The following CNTNAP5 variants were observed in gnomAD, a reference collection of about 807,000 sequenced individuals.
CNTNAP5 encodes the protein contactin associated protein family member 5.
Under a neutral mutation model 150.2 loss-of-function variants are expected in CNTNAP5, and 72 were observed. The ratio of observed to expected loss-of-function variants is 0.48; its 90% CI spans 0.40 to 0.58. CNTNAP5 has a LOEUF of 0.58. Ranked by LOEUF, CNTNAP5 falls within the 20% of genes least tolerant of loss-of-function variation. CNTNAP5 has a pLI of 0.00. For synonymous variants in CNTNAP5, 672 were observed against 619.8 expected, an observed-to-expected ratio of 1.08 and a Z score of -1.25; for missense variants, 1,636 against 1,626.2, an observed-to-expected ratio of 1.01 and a Z score of -0.10.
chr2:124,903,360 GTA>G (rs1367632082), intron 22 of CNTNAP5, among the ~76,000 whole-genome samples: 7 of 152,094 alleles, frequency 4.6e-5, no homozygotes, highest in African/African-American at 1.4e-4. Flanking sequence ...AATGCATTGT[GTA>G]TGTGTGTGTG....
At chr2:124,727,587 T>A (rs1408081289) in intron 13 of CNTNAP5, among the ~76,000 whole-genome samples, 1 of 152,040 alleles carries the variant, frequency 6.6e-6, no homozygotes, top group African/African-American at 2.4e-5. Context: ...GCTATTGTAA[T>A]GAGATTGTCT....
intron 14 of CNTNAP5, among the ~76,000 whole-genome samples, chr2:124,749,766 T>A (rs1680685434): frequency 6.6e-6 from 1 of 152,176 alleles, no homozygotes; most frequent in African/African-American, 2.4e-5. Flanking sequence ...CTGTTTCTTT[T>A]CCTTTACCCC....
intron 13 of CNTNAP5, among the ~76,000 whole-genome samples, chr2:124,649,232 G>A (rs1191427414): frequency 2.0e-5 from 3 of 152,184 alleles, no homozygotes; most frequent in Non-Finnish European, 4.4e-5. Context: ...GATTCAGCCA[G>A]GCTTGCAGGG....
In CNTNAP5 at chr2:124,917,681, G is replaced by GTTTTTCT. The variant is rs1392556285; in HGVS notation, c.*3400_*3406dup. Among the ~76,000 whole-genome samples, 2 of 152,032 alleles carry GTTTTTCT rather than the reference G, an allele frequency of 1.3e-5. No homozygotes were observed. Reference sequence around the variant, plus strand: ...CAGGATAGAACAAAATAAAGAGATTGTTTTTCTTTTTTCATTCATGAAGTA... The same window carrying GTTTTTCT: ...CAGGATAGAACAAAATAAAGAGATTGTTTTTCTTTTTTCTTTTTTCATTCATGAAGTA... On this transcript the variant is annotated 3_prime_UTR_variant, in exon 24 of 24. Transcript: ENST00000682447.
intron 1 of CNTNAP5, among the ~76,000 whole-genome samples, chr2:124,211,531 CACACACACACACAT>C (rs1686011436): frequency 6.6e-6 from 1 of 151,928 alleles, no homozygotes; most frequent in Admixed American, 6.6e-5. Flanking sequence ...CAAACACACA[CACACACACACACAT>C]AAGCAACCAC....
intron 3 of CNTNAP5, among the ~76,000 whole-genome samples, chr2:124,258,825 C>T (rs1330081421): frequency 6.6e-6 from 1 of 151,896 alleles, no homozygotes; most frequent in African/African-American, 2.4e-5. Flanking sequence ...TAAACAATCT[C>T]GAATAATTTT....
At chr2:124,851,058 A>G (rs1683142907) in intron 19 of CNTNAP5, among the ~76,000 whole-genome samples, 1 of 152,186 alleles carries the variant, frequency 6.6e-6, no homozygotes, top group Non-Finnish European at 1.5e-5. Flanking sequence ...GAAATGTGAC[A>G]TTAGCTAACA....
chr2:124,496,715 C>T (rs889300217), intron 7 of CNTNAP5, among the ~76,000 whole-genome samples: 1 of 152,190 alleles, frequency 6.6e-6, no homozygotes. Flanking sequence ...GGGACAGCCA[C>T]ACCTGACTTA....
chr2:124,798,120 G>C lies in CNTNAP5; in HGVS notation c.3017G>C (p.Gly1006Ala). 6.2e-7 allele frequency: 1 copy of C among 1,611,916 alleles called. No individual in the cohort carries two copies. The highest frequency in any genetic ancestry group is 8.5e-7 in the Non-Finnish European group (1 of 1,178,900). Reference sequence around the variant, plus strand: ...GAGGTTTCTGCTGTTTTTGAGGCTGGCACGTCGGTTACTTACATGTTTCAA... The same window carrying C: ...GAGGTTTCTGCTGTTTTTGAGGCTGCCACGTCGGTTACTTACATGTTTCAA... ...KKEVSAVFEA[G>A]TSVTYMFQEP... is the part of the protein sequence containing the mutation. The change falls in exon 19 of 24, where the codon GGC becomes GCC. Residue 1006 changes from glycine (G) to alanine (A), a missense_variant. Coordinates refer to ENST00000682447, the MANE Select transcript of CNTNAP5 (RefSeq NM_001367498.1).
chr2:124,621,859 T>G (rs968522319), intron 12 of CNTNAP5, among the ~76,000 whole-genome samples: 2 of 152,214 alleles, frequency 1.3e-5, no homozygotes, highest in African/African-American at 4.8e-5. Context: ...GCAAAGTAAG[T>G]AGAATTTAGT....
chr2:124,072,227 C>T (rs1337776933), intron 1 of CNTNAP5, among the ~76,000 whole-genome samples: 3 of 151,636 alleles, frequency 2.0e-5, no homozygotes, highest in Non-Finnish European at 2.9e-5. Flanking sequence ...CATACCTCAA[C>T]ATAATAAATG....
chr2:124,152,082 T>C (rs1684418896), intron 1 of CNTNAP5, among the ~76,000 whole-genome samples: 1 of 152,192 alleles, frequency 6.6e-6, no homozygotes, highest in South Asian at 2.1e-4. Flanking sequence ...TGGTGGCAAA[T>C]GCATTTTTTT....
rs187451429 is a variant in CNTNAP5, at chr2:124,293,975, A to G, written c.381+51582A>G. 1.1e-4 allele frequency among the ~76,000 whole-genome samples: 17 copies of G among 152,302 alleles called. No individual in the cohort carries two copies. In the East Asian group the frequency reaches 3.3e-3, roughly 29 times the overall value. ...AGGGACAACATGGATGTAGTCCTCAAATAGGGAAAAGCATGGTGTATTTGA... is the reference window on the plus strand; with the variant it reads ...AGGGACAACATGGATGTAGTCCTCAGATAGGGAAAAGCATGGTGTATTTGA... On this transcript the variant is annotated intron_variant, in intron 3 of 23. Coordinates refer to ENST00000682447, the MANE Select transcript of CNTNAP5 (RefSeq NM_001367498.1).
Position 124,481,088 on chromosome 2 carries a change from G to A in CNTNAP5, c.1062+6206G>A, listed in dbSNP as rs189318838. The stretch of plus-strand genomic sequence containing the variant: ...CAGCTCTGGAGGCTGGAAAGTCTGA[G>A]ATCAGAGTGCCAGGACGATCGGGTT... On this transcript the variant is annotated intron_variant, in intron 7 of 23. Coordinates refer to ENST00000682447, the MANE Select transcript of CNTNAP5 (RefSeq NM_001367498.1). Among the ~76,000 whole-genome samples, 167 of 152,326 alleles carry A rather than the reference G, an allele frequency of 1.1e-3. 1 individual carries two copies. The Middle Eastern group carries it at 0.017, about 16-fold the overall frequency.
chr2:124,815,748 A>G (rs760343782), intron 19 of CNTNAP5, among the ~76,000 whole-genome samples: 13 of 151,538 alleles, frequency 8.6e-5, no homozygotes, highest in Non-Finnish European at 1.8e-4. Flanking sequence ...CTCTAAGATC[A>G]TTCTTCCCAG....
chr2:124,474,281 A>G (rs1402302876), intron 6 of CNTNAP5, among the ~76,000 whole-genome samples: 2 of 152,084 alleles, frequency 1.3e-5, no homozygotes, highest in Non-Finnish European at 2.9e-5. Flanking sequence ...ATAGATGACA[A>G]TTGTGGACAA....
intron 1 of CNTNAP5, among the ~76,000 whole-genome samples, chr2:124,097,953 G>A (rs982529147): frequency 2.6e-5 from 4 of 152,260 alleles, no homozygotes; most frequent in East Asian, 1.9e-4. Context: ...GCATGAACCC[G>A]GGAGGCGGAG....
chr2:124,083,621 T>C (rs1682611318), intron 1 of CNTNAP5, among the ~76,000 whole-genome samples: 1 of 152,146 alleles, frequency 6.6e-6, no homozygotes, highest in Non-Finnish European at 1.5e-5. Context: ...GTCCATATTT[T>C]TGTGGGTTTA....
intron 4 of CNTNAP5, among the ~76,000 whole-genome samples, chr2:124,420,511 G>A (rs1433572393): frequency 6.6e-6 from 1 of 152,148 alleles, no homozygotes; most frequent in Non-Finnish European, 1.5e-5. Flanking sequence ...TTGATGGGCA[G>A]TTTAACATGT....
Sources: allele counts gnomAD v4.1 joint callset (sites outside exome capture counted in the v4.1 genomes callset), GRCh38; gene constraint gnomAD v4.1.1; transcripts MANE v1.5; gene names NCBI Gene and HGNC (gene_info 2026-07-23, HGNC 2026-07-21).